The following ATL2 variants were observed in gnomAD, a reference collection of about 807,000 sequenced individuals.
ATL2 encodes the protein atlastin-2.
Under a neutral mutation model 73.9 loss-of-function variants are expected in ATL2, and 31 were observed. The observed-to-expected ratio is 0.42, with a 90% CI of 0.32 to 0.57. The LOEUF (loss-of-function observed/expected upper bound fraction) is 0.57. ATL2 is among the 20% of genes least tolerant of loss of function. The pLI is 0.14. For synonymous variants in ATL2, 291 were observed against 237.5 expected (o/e 1.23, Z -2.07); for missense variants, 738 against 702.6 (o/e 1.05, Z -0.57).
At chr2:38,316,383 G>C (rs1208650294) in intron 4 of ATL2, among the ~76,000 whole-genome samples, 2 of 152,136 alleles carry the variant, frequency 1.3e-5, no homozygotes, top group Non-Finnish European at 2.9e-5. Flanking sequence ...TTCATTGTCA[G>C]GGCCAGGTTG....
intron 1 of ATL2, among the ~76,000 whole-genome samples, chr2:38,354,421 T>C (rs75973791): frequency 0.051 from 7,740 of 152,200 alleles, 649 homozygotes; most frequent in African/African-American, 0.17. Context: ...AAGTACAAAA[T>C]TTTAAAAGAC....
chr2:38,316,385 G>A (rs768738249), intron 4 of ATL2, among the ~76,000 whole-genome samples: 7 of 152,110 alleles, frequency 4.6e-5, no homozygotes, highest in Non-Finnish European at 7.4e-5. Flanking sequence ...CATTGTCAGG[G>A]CCAGGTTGCA....
chr2:38,370,081 G>C (rs936352813), intron 1 of ATL2, among the ~76,000 whole-genome samples: 6 of 148,484 alleles, frequency 4.0e-5, no homozygotes, highest in African/African-American at 1.3e-4. Context: ...GTGAACCCCG[G>C]GGGGCGGAGC....
rs1558394685 is a variant in ATL2 at position 38,310,238 on chromosome 2, A to G, written c.943+71T>C. ...TATAAGACAGGACATTTAAGGCGTC[A>G]TGTATTTTCTTAAAAAACTTTCCAC... On this transcript the variant is annotated intron_variant, in intron 8 of 12. Coordinates refer to ENST00000378954, the MANE Select transcript of ATL2 (RefSeq NM_001135673.4). The G allele has an allele frequency of 4.6e-6, 7 of 1,516,756 alleles. No individual in the cohort carries two copies. In the Admixed American group the frequency reaches 1.1e-4, roughly 24 times the overall value. The allele number at this position is 1,516,756 out of a possible 1,614,324, so 94.0% of individuals were successfully genotyped here.
intron 1 of ATL2, among the ~76,000 whole-genome samples, chr2:38,364,902 T>G (rs894400029): frequency 2.0e-5 from 3 of 151,850 alleles, no homozygotes; most frequent in Admixed American, 1.3e-4. Context: ...AAATTAGCCA[T>G]GCGTGGTGGC....
At chr2:38,311,047 G>C (rs755874868) in intron 7 of ATL2, among the ~76,000 whole-genome samples, 59 of 152,122 alleles carry the variant, frequency 3.9e-4, no homozygotes, top group Non-Finnish European at 6.3e-4. Flanking sequence ...AATTATGGCT[G>C]TGACTTATAC....
At chr2:38,328,881 A>C (rs1668816605) in intron 2 of ATL2, among the ~76,000 whole-genome samples, 2 of 151,908 alleles carry the variant, frequency 1.3e-5, no homozygotes, top group Non-Finnish European at 2.9e-5. Flanking sequence ...AAATCAGTGA[A>C]ACAAAAAACT....
At chr2:38,376,448 G>A (rs1056954804) in intron 1 of ATL2, 6 of 302,366 alleles carry the variant, frequency 2.0e-5, no homozygotes, top group Non-Finnish European at 3.0e-5. Flanking sequence ...ACTCGTAAAC[G>A]GCTCATAACC....
chr2:38,306,530 T>TTCA, intron 9 of ATL2, among the ~76,000 whole-genome samples: 1 of 152,192 alleles, frequency 6.6e-6, no homozygotes. Context: ...AAAAAGATCA[T>TTCA]TCATCATCAC....
intron 8 of ATL2, among the ~76,000 whole-genome samples, chr2:38,309,748 T>C (rs1667644916): frequency 6.6e-6 from 1 of 152,052 alleles, no homozygotes; most frequent in South Asian, 2.1e-4. Flanking sequence ...AAATAACAAA[T>C]AAAACATCAA....
intron 2 of ATL2, among the ~76,000 whole-genome samples, chr2:38,337,212 T>C (rs1486480734): frequency 6.6e-6 from 1 of 151,268 alleles, no homozygotes; most frequent in African/African-American, 2.4e-5. Context: ...TGGCCAGGCA[T>C]GGTGGCTCAC....
At chr2:38,319,075 C>A in intron 2 of ATL2, 56 bp from the exon 3 acceptor site, 8 of 1,533,648 alleles carry the variant, frequency 5.2e-6, no homozygotes, top group Admixed American at 4.0e-5. Flanking sequence ...TAAAAGAAAC[C>A]AAAAAATCAC....
At chr2:38,376,122 G>A (rs1333074565) in intron 1 of ATL2, 29 of 1,515,348 alleles carry the variant, frequency 1.9e-5, no homozygotes, top group Non-Finnish European at 2.5e-5. Context: ...TTACCAAATC[G>A]TAGGCTTTTA....
chr2:38,309,478 A>G lies in ATL2; in HGVS notation c.972T>C (p.Leu324=). ...KDIDEDFKRE[L]RNLVPLLLAP... ...CAAGCAGCAATGGAACCAGATTTCG[A>G]AGCTCTCGTTTAAAGTCTTCATCAA... is the stretch of plus-strand genomic sequence containing the variant. Residue 324 remains leucine (L), a synonymous_variant, in exon 9 of 13, where the codon CTT becomes CTC. Transcript: ENST00000378954. 6.2e-7 allele frequency: 1 copy of G among 1,612,706 alleles called. No homozygotes were observed. Among genetic ancestry groups the G allele is most frequent in the Non-Finnish European group, 8.5e-7 (1 of 1,179,682 alleles).
intron 1 of ATL2, among the ~76,000 whole-genome samples, chr2:38,359,948 T>C (rs1459220619): frequency 6.6e-6 from 1 of 151,666 alleles, no homozygotes; most frequent in African/African-American, 2.4e-5. Context: ...GCCAATATGG[T>C]GAAACCCCGT....
chr2:38,310,338 G>A lies in ATL2; in HGVS notation c.914C>T (p.Thr305Ile), dbSNP rs1273897429. The change falls in exon 8 of 13, where the codon ACT becomes ATT. Residue 305 changes from threonine (T) to isoleucine (I), a missense_variant. Thr to Ile is a moderately conservative substitution (Grantham distance 89). Coordinates refer to ENST00000378954, the MANE Select transcript of ATL2 (RefSeq NM_001135673.4). Reference protein sequence around the residue: ...LLPHPGLKVATNPSFDGRLKD... With the variant: ...LLPHPGLKVAINPSFDGRLKD... ...CAATCTCCCATCAAAACTAGGATTA[G>A]TTGCAACTTTAAGACCAGGATGTGG... The A allele has an allele frequency of 6.2e-7, 1 of 1,612,700 alleles. No homozygotes were observed. The highest frequency in any genetic ancestry group is 1.1e-5 in the South Asian group (1 of 90,702).
Position 38,343,528 on chromosome 2 carries a change from AAAGAAACTGGTTACTTT to A in ATL2, c.119-33_119-17del. 6.3e-7 allele frequency: 1 copy of A among 1,597,262 alleles called. No individual in the cohort carries two copies. Among genetic ancestry groups the A allele is most frequent in the Non-Finnish European group, 8.5e-7 (1 of 1,172,442 alleles). On this transcript the variant is annotated splice_polypyrimidine_tract_variant and intron_variant, in intron 1 of 12. Transcript: ENST00000378954. ...TAATTCTCACCTAGAATTTAAAAAG[AAAGAAACTGGTTACTTT>A]AATCCCTATATTACGAACTTTCATT...
intron 1 of ATL2, among the ~76,000 whole-genome samples, chr2:38,349,798 C>G (rs1005855781): frequency 6.6e-5 from 10 of 152,138 alleles, no homozygotes; most frequent in African/African-American, 2.2e-4. Flanking sequence ...CAGACAAAGA[C>G]AGGCCTTTCA....
intron 1 of ATL2, chr2:38,354,297 C>T (rs910495598): frequency 3.7e-6 from 1 of 268,166 alleles, no homozygotes; most frequent in South Asian, 3.0e-5. Flanking sequence ...TTATTCCTTC[C>T]TATTGATCTG....
Sources: allele counts gnomAD v4.1 joint callset (sites outside exome capture counted in the v4.1 genomes callset), GRCh38; gene constraint gnomAD v4.1.1; transcripts MANE v1.5; gene names NCBI Gene and HGNC (gene_info 2026-07-23, HGNC 2026-07-21).